Variants in MTOR observed in about 807,000 individuals in gnomAD.
The protein encoded by MTOR is mechanistic target of rapamycin kinase.
In MTOR, 70 loss-of-function variants were observed where a neutral mutation model predicts 319.8. That is an observed-to-expected ratio of 0.22 (90% CI 0.18 to 0.27). The LOEUF (loss-of-function observed/expected upper bound fraction) is 0.27. Ranked by LOEUF, MTOR falls within the 10% of genes least tolerant of loss-of-function variation. The pLI is 1.00. For synonymous variants in MTOR, 1,183 were observed against 1,211.4 expected (o/e 0.98, Z 0.49); for missense variants, 1,890 against 3,274.4 (o/e 0.58, Z 10.32).
rs1235591086 is a variant in MTOR at position 11,245,909 on chromosome 1, CA to C, written c.1225+1715del. Among the ~76,000 whole-genome samples the C allele has an allele frequency of 2.0e-5, 3 of 151,416 alleles. No individual in the cohort carries two copies. In the East Asian group the frequency reaches 5.8e-4, roughly 29 times the overall value. On this transcript the variant is annotated intron_variant, in intron 8 of 57. Coordinates refer to ENST00000361445, the MANE Select transcript of MTOR (RefSeq NM_004958.4). ...TGGGTGACACAGCAAGACCCTGTCT[CA>C]AAAAAAACCCCAAGAGAGTATAATT...
intron 28 of MTOR, chr1:11,192,340 T>C (rs1381728731): frequency 1.2e-6 from 2 of 1,614,030 alleles, no homozygotes; most frequent in Non-Finnish European, 1.7e-6. Context: ...AGCTTCCTCC[T>C]GATGACTTCC....
intron 34 of MTOR, chr1:11,143,815 G>C (rs1332693145): frequency 6.6e-6 from 1 of 152,140 alleles, no homozygotes; most frequent in African/African-American, 2.4e-5. Flanking sequence ...ATGATAGGTA[G>C]GGAGACAAAT....
chr1:11,144,215 C>T (rs912118607), intron 34 of MTOR, among the ~76,000 whole-genome samples: 6 of 152,126 alleles, frequency 3.9e-5, no homozygotes, highest in African/African-American at 1.4e-4. Context: ...CTGGTGGAAT[C>T]ATCTGGGGGA....
chr1:11,193,541 C>T (rs1369981262), intron 28 of MTOR: 3 of 1,537,956 alleles, frequency 2.0e-6, no homozygotes, highest in South Asian at 1.3e-5. Flanking sequence ...TGCCTTCTGC[C>T]CCTGCAAGTC....
chr1:11,214,496 G>A (rs561031860), intron 20 of MTOR, among the ~76,000 whole-genome samples: 1 of 151,576 alleles, frequency 6.6e-6, no homozygotes, highest in Non-Finnish European at 1.5e-5. Context: ...GAAATTTAAT[G>A]ATAATAGAAA....
chr1:11,180,556 T>C (rs890668429), intron 28 of MTOR, among the ~76,000 whole-genome samples: 6 of 152,008 alleles, frequency 3.9e-5, no homozygotes, highest in African/African-American at 1.4e-4. Flanking sequence ...TAAGTCAGGG[T>C]GGAGATGTCT....
In MTOR at chr1:11,180,254, T is replaced by C. The variant is rs186267734; in HGVS notation, c.4254-12737A>G. On this transcript the variant is annotated intron_variant, in intron 28 of 57. Coordinates refer to ENST00000361445, the MANE Select transcript of MTOR (RefSeq NM_004958.4). ...AACCTCACCTCTGTGGACTGACTGC[T>C]TTTTCTTCCAGCAGAGGTACAGAAA... Among the ~76,000 whole-genome samples the C allele has an allele frequency of 7.9e-5, 12 of 152,266 alleles. No individual in the cohort carries two copies. The East Asian group carries it at 2.3e-3, about 29-fold the overall frequency.
intron 26 of MTOR, among the ~76,000 whole-genome samples, chr1:11,200,931 C>T (rs1397874664): frequency 6.6e-6 from 1 of 151,614 alleles, no homozygotes; most frequent in Non-Finnish European, 1.5e-5. Context: ...AGGAGAATGG[C>T]TTGAACCTGG....
intron 24 of MTOR, 97 bp from the exon 25 acceptor site, chr1:11,209,555 G>T: frequency 1.4e-6 from 2 of 1,419,200 alleles, no homozygotes; most frequent in Non-Finnish European, 1.9e-6. Flanking sequence ...ACCTGGTAGA[G>T]CCAGGATTTC....
Position 11,134,464 on chromosome 1 carries a change from G to T in MTOR, c.5133C>A (p.Ile1711=). ...AATGCTGCATGTGCTGGAAGGCATC[G>T]ATCTGTAACAGGACAAAGGCACAGA... is the stretch of plus-strand genomic sequence containing the variant. ...MKNMWKSARK[I]DAFQHMQHFV... The change falls in exon 37 of 58, where the codon ATC becomes ATA. Residue 1711 remains isoleucine (I), a splice_region_variant and synonymous_variant. Transcript: ENST00000361445. The T allele has an allele frequency of 1.2e-6, 2 of 1,614,032 alleles. No individual in the cohort carries two copies. The highest frequency in any genetic ancestry group is 2.2e-5 in the South Asian group (2 of 91,076).
chr1:11,112,470 T>C (rs912466992), intron 54 of MTOR, among the ~76,000 whole-genome samples: 2 of 152,224 alleles, frequency 1.3e-5, no homozygotes, highest in African/African-American at 2.4e-5. Context: ...GACCAAGTAT[T>C]TGAAGTTCAA....
chr1:11,127,834 C>A lies in MTOR; in HGVS notation c.6034-28G>T. 1 of 1,603,196 alleles carries A rather than the reference C, an allele frequency of 6.2e-7. No homozygotes were observed. Reference sequence around the variant, plus strand: ...GAAGCCAAGAGAAGAAGGAGAGAAGCATCAAGAATCAGCTAACCTCAGAAA... The same window carrying A: ...GAAGCCAAGAGAAGAAGGAGAGAAGAATCAAGAATCAGCTAACCTCAGAAA... On this transcript the variant is annotated intron_variant, in intron 43 of 57. Transcript: ENST00000361445. This position sits in a 1 kb window ranked among gnomAD's most constrained non-coding sequence, Gnocchi z 5.5.
Position 11,212,706 on chromosome 1 carries a change from T to C in MTOR, c.3398+90A>G, listed in dbSNP as rs944224307. 2.4e-6 allele frequency: 3 copies of C among 1,247,580 alleles called. No individual in the cohort carries two copies. The African/African-American group carries it at 4.5e-5, about 19-fold the overall frequency. The allele number at this position is 1,247,580 out of a possible 1,614,324, so 77.3% of individuals were successfully genotyped here. A position where few individuals can be genotyped will look rare whatever the true frequency, so the allele number is the denominator to read the frequency against. ...ATGTGAGTTGAAATAACAAAAAAAA[T>C]AGAAAGATGGCCTGGGAACTTAAGA... On this transcript the variant is annotated intron_variant, in intron 22 of 57. Coordinates refer to ENST00000361445, the MANE Select transcript of MTOR (RefSeq NM_004958.4). This position sits in a 1 kb window ranked among gnomAD's most constrained non-coding sequence, Gnocchi z 4.1.
chr1:11,246,477 C>T (rs1648839440), intron 8 of MTOR, among the ~76,000 whole-genome samples: 1 of 152,098 alleles, frequency 6.6e-6, no homozygotes, highest in Non-Finnish European at 1.5e-5. Flanking sequence ...GGTGATTTTC[C>T]TTCTGTTATT....
rs897950333 is a variant in MTOR at position 11,109,380 on chromosome 1, A to C, written c.7448-10T>G. ...ACCAAACCGTCTCCAACTGGAATAC[A>C]CAAAAGTAGAAATAACTGTAAGAAT... is the stretch of plus-strand genomic sequence containing the variant. On this transcript the variant is annotated splice_polypyrimidine_tract_variant and intron_variant, in intron 55 of 57. Coordinates refer to ENST00000361445, the MANE Select transcript of MTOR (RefSeq NM_004958.4). The surrounding 1 kb of genome is among the most constrained non-coding windows in gnomAD (Gnocchi z 4.0). The C allele has an allele frequency of 6.2e-7, 1 of 1,612,534 alleles. No individual in the cohort carries two copies. Among genetic ancestry groups the C allele is most frequent in the African/African-American group, 1.3e-5 (1 of 74,876 alleles).
chr1:11,200,088 T>C (rs1645912114), intron 26 of MTOR, among the ~76,000 whole-genome samples: 1 of 152,212 alleles, frequency 6.6e-6, no homozygotes, highest in South Asian at 2.1e-4. Flanking sequence ...TTGGCAGTTT[T>C]TGCATTATTT....
At chr1:11,193,375 T>C (rs1000689007) in intron 28 of MTOR, among the ~76,000 whole-genome samples, 1 of 151,058 alleles carries the variant, frequency 6.6e-6, no homozygotes. Flanking sequence ...CCGGGCCCAA[T>C]TTGCATCGTT....
chr1:11,225,475 G>A (rs1456698495), intron 19 of MTOR, among the ~76,000 whole-genome samples: 1 of 147,966 alleles, frequency 6.8e-6, no homozygotes, highest in African/African-American at 2.5e-5. Context: ...AGGCTGGAGT[G>A]CAATGGCACA....
At chr1:11,177,057 A>C (rs1159308551) in intron 28 of MTOR, among the ~76,000 whole-genome samples, 2 of 152,158 alleles carry the variant, frequency 1.3e-5, no homozygotes, top group Non-Finnish European at 2.9e-5. Context: ...AGGGAAACAA[A>C]GCCAGAATCA....
Sources: allele counts gnomAD v4.1 joint callset (sites outside exome capture counted in the v4.1 genomes callset), GRCh38; gene constraint gnomAD v4.1.1; non-coding constraint Gnocchi (gnomAD v3.1); transcripts MANE v1.5; gene names NCBI Gene and HGNC (gene_info 2026-07-23, HGNC 2026-07-21).